Variants in GASK1A observed in about 807,000 individuals in gnomAD.
GASK1A encodes Golgi-associated kinase 1A.
In GASK1A, 40 loss-of-function variants were observed where a neutral mutation model predicts 41.2. That is an observed-to-expected ratio of 0.97 (90% CI 0.75 to 1.27). GASK1A has a LOEUF of 1.27. GASK1A is among the 50% of genes most tolerant of loss of function. GASK1A has a pLI of 0.00. For missense variants in GASK1A, 678 were observed against 745.1 expected (o/e 0.91, Z 1.05); for synonymous variants, 316 against 307.1 (o/e 1.03, Z -0.30).
rs1375897879 is a variant in GASK1A at position 43,056,240 on chromosome 3, C to G, written c.1582C>G (p.Leu528Val). 1 of 1,551,604 alleles carries G rather than the reference C, an allele frequency of 6.4e-7. No individual in the cohort carries two copies. Among genetic ancestry groups the G allele is most frequent in the East Asian group, 2.4e-5 (1 of 40,924 alleles). Residue 528 changes from leucine (L) to valine (V), a missense_variant, in exon 5 of 5, where the codon CTG (leucine) becomes GTG (valine). Leu to Val is a conservative substitution (Grantham distance 32). Transcript: ENST00000430121. ...GCLQNMLLKS[L>V]QMDPVFWESQ... Reference sequence around the variant, plus strand: ...TCTACAGAACATGCTGCTGAAGTCGCTGCAGATGGACCCAGTGTTCTGGGA... The same window carrying G: ...TCTACAGAACATGCTGCTGAAGTCGGTGCAGATGGACCCAGTGTTCTGGGA...
chr3:43,031,281 C>T (rs894622771), intron 1 of GASK1A, among the ~76,000 whole-genome samples: 1 of 152,182 alleles, frequency 6.6e-6, no homozygotes, highest in African/African-American at 2.4e-5. Flanking sequence ...TGCAGGCTTG[C>T]ACTGCTCCAG....
chr3:43,055,474 G>T lies in GASK1A; in HGVS notation c.1456G>T (p.Ala486Ser), dbSNP rs147516180. 1.3e-6 allele frequency: 2 copies of T among 1,551,808 alleles called. No homozygotes were observed. Among genetic ancestry groups the T allele is most frequent in the Non-Finnish European group, 8.7e-7 (1 of 1,147,006 alleles). Residue 486 changes from alanine (A) to serine (S), a missense_variant, in exon 4 of 5, where the codon GCT (alanine) becomes TCT (serine). Physicochemically the swap from Ala to Ser is moderately conservative, Grantham distance 99. Coordinates refer to ENST00000430121, the MANE Select transcript of GASK1A (RefSeq NM_001129908.3). ...DPSHLVYIDN[A>S]GNLQHPEDKL... is the part of the protein sequence containing the mutation. Reference sequence around the variant, plus strand: ...ATCTCACCTGGTCTACATCGATAACGCTGGCAACCTTCAGCACCCTGAGGA... The same window carrying T: ...ATCTCACCTGGTCTACATCGATAACTCTGGCAACCTTCAGCACCCTGAGGA...
intron 1 of GASK1A, among the ~76,000 whole-genome samples, chr3:43,022,428 C>T (rs994832133): frequency 6.6e-6 from 1 of 152,064 alleles, no homozygotes; most frequent in African/African-American, 2.4e-5. Flanking sequence ...ATTTATTTTA[C>T]CCTGGTGGTA....
At chr3:42,985,553 G>GTGTT (rs2089304164) in intron 1 of GASK1A, among the ~76,000 whole-genome samples, 1 of 130,760 alleles carries the variant, frequency 7.6e-6, no homozygotes, top group African/African-American at 2.7e-5. Context: ...ATACGTGTGT[G>GTGTT]TGTGTGTGTG....
chr3:43,035,719 C>T (rs966856287), intron 2 of GASK1A, among the ~76,000 whole-genome samples: 1 of 152,182 alleles, frequency 6.6e-6, no homozygotes, highest in Non-Finnish European at 1.5e-5. Flanking sequence ...GTACTTAGTA[C>T]AGTGCCTGGC....
At chr3:43,050,095 A>G (rs2089682188) in intron 2 of GASK1A, among the ~76,000 whole-genome samples, 1 of 151,706 alleles carries the variant, frequency 6.6e-6, no homozygotes, top group African/African-American at 2.4e-5. Context: ...ATGTTTATCT[A>G]TGTAGTTACC....
rs2089583132 is a variant in GASK1A at position 43,032,643 on chromosome 3, A to T, written c.380A>T (p.His127Leu). 2 of 1,551,624 alleles carry T rather than the reference A, an allele frequency of 1.3e-6. No individual in the cohort carries two copies. ...AGGAGGGACATTACTTTGTCAGGAC[A>T]TCCAAGACTCAGTACTCAGCATGTT... ...RVRRDITLSG[H>L]PRLSTQHVVL... The change falls in exon 2 of 5, where the codon CAT becomes CTT. Residue 127 changes from histidine (H) to leucine (L), a missense_variant. By Grantham distance (99) the His-to-Leu change is moderately conservative. Transcript: ENST00000430121.
intron 1 of GASK1A, among the ~76,000 whole-genome samples, chr3:42,999,606 A>G (rs1437613354): frequency 4.6e-5 from 7 of 152,204 alleles, no homozygotes; most frequent in Admixed American, 4.6e-4. Flanking sequence ...GTAGAAAGGC[A>G]TCTTAAAGAG....
At chr3:43,027,173 A>G (rs1240400927) in intron 1 of GASK1A, among the ~76,000 whole-genome samples, 1 of 152,254 alleles carries the variant, frequency 6.6e-6, no homozygotes, top group Non-Finnish European at 1.5e-5. Flanking sequence ...CAGTTGGAAC[A>G]TGCAAGAAAT....
At chr3:43,047,169 C>T (rs1269322775) in intron 2 of GASK1A, among the ~76,000 whole-genome samples, 5 of 152,228 alleles carry the variant, frequency 3.3e-5, no homozygotes, top group African/African-American at 7.2e-5. Flanking sequence ...GACACACTGA[C>T]AGCTTGCACT....
At chr3:43,030,558 T>C (rs74628480) in intron 1 of GASK1A, among the ~76,000 whole-genome samples, 20 of 152,364 alleles carry the variant, frequency 1.3e-4, no homozygotes, top group Middle Eastern at 6.8e-3. Context: ...CTCTGGTTTG[T>C]CTATGCAACG....
intron 2 of GASK1A, chr3:43,037,187 T>C: frequency 8.8e-7 from 1 of 1,133,614 alleles, no homozygotes; most frequent in Non-Finnish European, 1.3e-6. Context: ...CCAAAGAACC[T>C]AAGTCAAAAT....
chr3:42,997,312 T>A (rs115515890), intron 1 of GASK1A, among the ~76,000 whole-genome samples: 7 of 152,282 alleles, frequency 4.6e-5, no homozygotes, highest in African/African-American at 1.7e-4. Flanking sequence ...GTCTTGCTGA[T>A]CTCACCTCTG....
In GASK1A at chr3:42,987,410, C is replaced by T. The variant is rs116169658; in HGVS notation, c.3+7765C>T. 7.0e-3 allele frequency among the ~76,000 whole-genome samples: 1,054 copies of T among 151,468 alleles called. 13 individuals are homozygous for T. The highest frequency in any genetic ancestry group is 0.023 in the African/African-American group (961 of 41,186). On this transcript the variant is annotated intron_variant, in intron 1 of 4. Coordinates refer to ENST00000430121, the MANE Select transcript of GASK1A (RefSeq NM_001129908.3). ...GTACTGATAAAGCCTGGTACTGTGG[C>T]GTGCCTGGGCACCTAACAAAGGCAA...
At chr3:43,010,566 G>T (rs2089458426) in intron 1 of GASK1A, among the ~76,000 whole-genome samples, 1 of 152,128 alleles carries the variant, frequency 6.6e-6, no homozygotes, top group Non-Finnish European at 1.5e-5. Flanking sequence ...ATTTCATGAG[G>T]GTGGAGAATT....
intron 1 of GASK1A, among the ~76,000 whole-genome samples, chr3:42,985,586 T>TGG (rs1553613311): frequency 0.02 from 2,855 of 144,278 alleles, 39 homozygotes; most frequent in Non-Finnish European, 0.029. Context: ...TGTGTGTGTG[T>TGG]GGGCGGAGGC....
chr3:43,026,153 G>A (rs1322284020), intron 1 of GASK1A, among the ~76,000 whole-genome samples: 1 of 152,184 alleles, frequency 6.6e-6, no homozygotes, highest in Non-Finnish European at 1.5e-5. Flanking sequence ...GGCAAGTTTA[G>A]TGGCTCAGAG....
chr3:42,986,194 A>G (rs911215006), intron 1 of GASK1A, among the ~76,000 whole-genome samples: 15 of 152,224 alleles, frequency 9.9e-5, no homozygotes, highest in Admixed American at 9.2e-4. Context: ...TGTCAAAGGC[A>G]TTATGCTGAC....
intron 1 of GASK1A, among the ~76,000 whole-genome samples, chr3:42,993,289 T>G (rs1017751344): frequency 1.3e-5 from 2 of 152,260 alleles, no homozygotes; most frequent in African/African-American, 4.8e-5. Flanking sequence ...TGGCAGGACC[T>G]GTGACTTTGT....
Sources: gnomAD v4.1 joint callset for allele counts (sites outside exome capture counted in the v4.1 genomes callset) on GRCh38, gnomAD v4.1.1 for gene constraint, MANE v1.5 for transcripts, NCBI Gene and HGNC (gene_info 2026-07-23, HGNC 2026-07-21) for gene names.